The following ARB2A variants were observed in gnomAD, a reference collection of about 807,000 sequenced individuals.
ARB2A encodes cotranscriptional regulator ARB2A.
the ARB2A span, among the ~76,000 whole-genome samples, chr5:94,037,811 T>A: frequency 1.3e-4 from 20 of 152,148 alleles, no homozygotes; most frequent in African/African-American, 4.8e-4. Context: ...AATATGTAAA[T>A]ACAGCCATTG....
the ARB2A span, among the ~76,000 whole-genome samples, chr5:93,661,167 G>A: frequency 6.6e-6 from 1 of 152,100 alleles, no homozygotes; most frequent in Non-Finnish European, 1.5e-5. Flanking sequence ...GAAAGGCATT[G>A]CATAAGTAGT....
the ARB2A span, among the ~76,000 whole-genome samples, chr5:93,837,610 A>G: frequency 1.3e-5 from 2 of 151,986 alleles, no homozygotes; most frequent in Non-Finnish European, 2.9e-5. Context: ...AGGCTGAACT[A>G]ATTTGCACTC....
chr5:93,987,788 T>A, the ARB2A span, among the ~76,000 whole-genome samples: 1 of 152,180 alleles, frequency 6.6e-6, no homozygotes, highest in Admixed American at 6.5e-5. Context: ...TTCTTCCCAA[T>A]AACCAGATTC....
the ARB2A span, chr5:93,737,063 C>T: frequency 6.6e-6 from 1 of 152,056 alleles, no homozygotes; most frequent in East Asian, 1.9e-4. Flanking sequence ...AAGAATGCAC[C>T]AAAAAACTGG....
At chr5:93,922,639 AAAGGGAGGGAGGGAGGGAGGGAGG>A in the ARB2A span, among the ~76,000 whole-genome samples, 9 of 69,530 alleles carry the variant, frequency 1.3e-4, no homozygotes, top group African/African-American at 3.6e-4. Flanking sequence ...GAAAAGAAAG[AAAGGGAGGGAGGGAGGGAGGGAGG>A]AAGGGAGGGA....
At chr5:93,773,929 GGCT>G in the ARB2A span, among the ~76,000 whole-genome samples, 1 of 152,130 alleles carries the variant, frequency 6.6e-6, no homozygotes, top group South Asian at 2.1e-4. Context: ...CACCATACTT[GGCT>G]AATATTAAAA....
chr5:93,676,132 C>T, the ARB2A span, among the ~76,000 whole-genome samples: 1 of 151,980 alleles, frequency 6.6e-6, no homozygotes, highest in Non-Finnish European at 1.5e-5. Flanking sequence ...ATTGTAGAAA[C>T]ATCATTTAAG....
the ARB2A span, among the ~76,000 whole-genome samples, chr5:93,634,782 C>CTT: frequency 4.0e-5 from 6 of 149,290 alleles, no homozygotes; most frequent in Admixed American, 1.3e-4. Context: ...CTCATTTTCT[C>CTT]TTTTTTTTTT....
chr5:93,870,670 A>G, the ARB2A span, among the ~76,000 whole-genome samples: 2 of 152,138 alleles, frequency 1.3e-5, no homozygotes, highest in Non-Finnish European at 2.9e-5. Flanking sequence ...GTGACTTAGC[A>G]CCTACGAAGG....
chr5:93,855,555 G>C, the ARB2A span, among the ~76,000 whole-genome samples: 1 of 152,128 alleles, frequency 6.6e-6, no homozygotes, highest in Non-Finnish European at 1.5e-5. Flanking sequence ...TCCTAGCCTT[G>C]ATGGTCTTTA....
the ARB2A span, among the ~76,000 whole-genome samples, chr5:93,854,718 C>T: frequency 6.6e-6 from 1 of 152,088 alleles, no homozygotes; most frequent in Non-Finnish European, 1.5e-5. Context: ...TTTATGTACC[C>T]AGTAGTCATT....
the ARB2A span, among the ~76,000 whole-genome samples, chr5:93,763,900 A>C: frequency 6.6e-6 from 1 of 152,230 alleles, no homozygotes; most frequent in Non-Finnish European, 1.5e-5. Context: ...AAACTCACTC[A>C]AAACTGCTCA....
At chr5:93,650,753 G>C in the ARB2A span, among the ~76,000 whole-genome samples, 1 of 151,982 alleles carries the variant, frequency 6.6e-6, no homozygotes, top group Non-Finnish European at 1.5e-5. Context: ...ACTTTGGGAG[G>C]CCAAGTGAGA....
At chr5:94,043,185 G>C in the ARB2A span, among the ~76,000 whole-genome samples, 1 of 152,104 alleles carries the variant, frequency 6.6e-6, no homozygotes, top group Non-Finnish European at 1.5e-5. Context: ...ATGGAGACCT[G>C]AAGTGTTCCT....
At chr5:93,953,609 GTAC>G in the ARB2A span, among the ~76,000 whole-genome samples, 5 of 152,064 alleles carry the variant, frequency 3.3e-5, no homozygotes, top group Admixed American at 1.3e-4. Context: ...AGCCAGTATG[GTAC>G]TACATCTCAC....
the ARB2A span, among the ~76,000 whole-genome samples, chr5:93,660,092 A>T: frequency 2.0e-5 from 3 of 152,092 alleles, no homozygotes; most frequent in South Asian, 4.1e-4. Flanking sequence ...ACAGGAATTT[A>T]AAAAGTTAAT....
the ARB2A span, among the ~76,000 whole-genome samples, chr5:93,799,060 T>C: frequency 6.6e-6 from 1 of 152,160 alleles, no homozygotes; most frequent in Non-Finnish European, 1.5e-5. Flanking sequence ...GAAACATTCA[T>C]CTTTGTCAGA....
chr5:94,074,750 A>G, the ARB2A span: 1 of 1,608,806 alleles, frequency 6.2e-7, no homozygotes. Context: ...GGAAATAGAC[A>G]TCAATCTTCA....
the ARB2A span, among the ~76,000 whole-genome samples, chr5:93,915,973 A>G: frequency 6.6e-6 from 1 of 152,096 alleles, no homozygotes. Flanking sequence ...CTTTACCAGT[A>G]TTCTCAATGT....
Sources: gnomAD v4.1 joint callset for allele counts (sites outside exome capture counted in the v4.1 genomes callset) on GRCh38, gnomAD v4.1.1 for gene constraint, MANE v1.5 for transcripts, NCBI Gene and HGNC (gene_info 2026-07-23, HGNC 2026-07-21) for gene names.